The following PAX7 variants were observed in gnomAD, a reference collection of about 807,000 sequenced individuals.
PAX7 encodes paired box protein Pax-7.
A neutral mutation model predicts 50.7 loss-of-function variants in PAX7; 18 were observed. That is an observed-to-expected ratio of 0.36 (90% CI 0.25 to 0.53). PAX7 has a LOEUF of 0.53. Ranked by LOEUF, PAX7 falls within the 20% of genes least tolerant of loss-of-function variation. PAX7 has a pLI of 0.93. For missense variants in PAX7, 644 were observed against 702.9 expected (o/e 0.92, Z 0.95); for synonymous variants, 310 against 290.4 (o/e 1.07, Z -0.69).
At chr1:18,644,864 T>G (rs1262154738) in intron 4 of PAX7, among the ~76,000 whole-genome samples, 1 of 152,222 alleles carries the variant, frequency 6.6e-6, no homozygotes, top group East Asian at 1.9e-4. Flanking sequence ...GAAATTTTCC[T>G]CTGGAGTGTA....
At chr1:18,715,048 A>G (rs1286150703) in intron 7 of PAX7, among the ~76,000 whole-genome samples, 1 of 152,212 alleles carries the variant, frequency 6.6e-6, no homozygotes, top group African/African-American at 2.4e-5. Context: ...CGGGCCTGGG[A>G]GGCCAGGCAA....
chr1:18,660,663 G>A (rs1335391959), intron 4 of PAX7, among the ~76,000 whole-genome samples: 1 of 152,140 alleles, frequency 6.6e-6, no homozygotes, highest in African/African-American at 2.4e-5. Context: ...TAGCCCCAGA[G>A]AGCTGACCTG....
chr1:18,705,190 G>A lies in PAX7; in HGVS notation c.1155+1894G>A, dbSNP rs151054420. Among the ~76,000 whole-genome samples, 143 of 152,260 alleles carry A rather than the reference G, an allele frequency of 9.4e-4. 1 individual carries two copies. The highest frequency in any genetic ancestry group is 3.2e-3 in the African/African-American group (135 of 41,546). On this transcript the variant is annotated intron_variant, in intron 7 of 8. Transcript: ENST00000420770. The stretch of plus-strand genomic sequence containing the variant: ...CCCTGCACATGGAATACAGCCTGTC[G>A]GCCAGAATGTCTTCCCTGGGGACCC...
intron 4 of PAX7, among the ~76,000 whole-genome samples, chr1:18,662,139 G>C (rs1024490762): frequency 6.6e-6 from 1 of 151,992 alleles, no homozygotes; most frequent in Admixed American, 6.5e-5. Flanking sequence ...GGGGGGTTGA[G>C]GGGGGCGAGG....
intron 7 of PAX7, among the ~76,000 whole-genome samples, chr1:18,719,860 T>A (rs1004120897): frequency 1.3e-5 from 2 of 152,226 alleles, no homozygotes; most frequent in African/African-American, 2.4e-5. Flanking sequence ...CCAGCATGGT[T>A]ACTGATCATA....
chr1:18,671,306 T>C (rs1416143783), intron 4 of PAX7, among the ~76,000 whole-genome samples: 3 of 152,212 alleles, frequency 2.0e-5, no homozygotes, highest in Admixed American at 6.5e-5. Flanking sequence ...ACAGAATAAT[T>C]TTCCAGTGTG....
intron 7 of PAX7, among the ~76,000 whole-genome samples, chr1:18,725,555 G>A (rs796230554): frequency 3.5e-4 from 53 of 152,308 alleles, no homozygotes; most frequent in African/African-American, 1.2e-3. Context: ...GGGAAGGGAG[G>A]GGGAGGAGAT....
intron 4 of PAX7, among the ~76,000 whole-genome samples, chr1:18,690,129 T>G (rs990913360): frequency 6.6e-6 from 1 of 152,230 alleles, no homozygotes; most frequent in Non-Finnish European, 1.5e-5. Context: ...GGTCCTACCT[T>G]GCCCACTGCA....
intron 8 of PAX7, among the ~76,000 whole-genome samples, chr1:18,736,625 CAT>C (rs1252102192): frequency 6.6e-6 from 1 of 152,158 alleles, no homozygotes; most frequent in African/African-American, 2.4e-5. Flanking sequence ...TCTTTGACAT[CAT>C]GTGTGTGTTT....
At chr1:18,698,304 A>G (rs2089174908) in intron 5 of PAX7, among the ~76,000 whole-genome samples, 1 of 119,672 alleles carries the variant, frequency 8.4e-6, no homozygotes, top group African/African-American at 3.1e-5. Context: ...CACACACACT[A>G]CACACAAAGG....
At chr1:18,691,676 T>C in intron 4 of PAX7, 78 bp from the exon 5 acceptor site, 1 of 1,333,570 alleles carries the variant, frequency 7.5e-7, no homozygotes, top group Non-Finnish European at 1.0e-6. Flanking sequence ...GAGTGTGCCT[T>C]GTGCTCTCCT....
rs746992366 is a variant in PAX7, at chr1:18,744,858, C to T, written c.1447C>T (p.Arg483Cys). Residue 483 changes from arginine (R) to cysteine (C), a missense_variant, in exon 9 of 9, where the codon CGT becomes TGT. Arg to Cys is a radical substitution (Grantham distance 180). Coordinates refer to ENST00000420770, the MANE Select transcript of PAX7 (RefSeq NM_001135254.2). ...CAAAAATGTGAGCCTCTCCACCCAG[C>T]GTCGCATGAAGCTCGGGGAGCACTC... is the stretch of plus-strand genomic sequence containing the variant. The part of the protein sequence containing the change: ...LAKNVSLSTQ[R>C]RMKLGEHSAV... 12 of 1,558,128 alleles carry T rather than the reference C, an allele frequency of 7.7e-6. No homozygotes were observed. In the Admixed American group the frequency reaches 9.6e-5, roughly 13 times the overall value.
chr1:18,633,150 TG>T (rs1283463549), intron 1 of PAX7, among the ~76,000 whole-genome samples: 1 of 150,848 alleles, frequency 6.6e-6, no homozygotes, highest in Non-Finnish European at 1.5e-5. Context: ...CAAAGAGAGG[TG>T]GGGGGACCGG....
At chr1:18,691,518 A>G (rs1216040055) in intron 4 of PAX7, among the ~76,000 whole-genome samples, 1 of 152,230 alleles carries the variant, frequency 6.6e-6, no homozygotes, top group Non-Finnish European at 1.5e-5. Context: ...AAGGTTTTAC[A>G]AGAAAGTATT....
At chr1:18,701,232 G>A (rs1373705184) in intron 6 of PAX7, among the ~76,000 whole-genome samples, 2 of 152,212 alleles carry the variant, frequency 1.3e-5, no homozygotes, top group East Asian at 1.9e-4. Flanking sequence ...GAAAGGAACG[G>A]ATTCTGCAGG....
Position 18,725,798 on chromosome 1 carries a change from A to G in PAX7, c.1156-9834A>G, listed in dbSNP as rs143118712. On this transcript the variant is annotated intron_variant, in intron 7 of 8. Coordinates refer to ENST00000420770, the MANE Select transcript of PAX7 (RefSeq NM_001135254.2). ...TTCAGAATCTCACTACACCGTTAGC[A>G]CCAGGACCCACCAGGGGCCCTGAGC... Among the ~76,000 whole-genome samples, 2 of 152,186 alleles carry G rather than the reference A, an allele frequency of 1.3e-5. 1 individual carries two copies. Among genetic ancestry groups the G allele is most frequent in the Non-Finnish European group, 2.9e-5 (2 of 68,010 alleles).
intron 7 of PAX7, among the ~76,000 whole-genome samples, chr1:18,725,987 T>TGTG (rs1246518839): frequency 2.1e-5 from 3 of 143,104 alleles, no homozygotes; most frequent in Non-Finnish European, 4.6e-5. Context: ...AGAGTGTGTG[T>TGTG]GTGTGTGCGC....
At chr1:18,716,766 TCTCTCTCATTCTCCTCTC>T (rs2089429141) in intron 7 of PAX7, among the ~76,000 whole-genome samples, 2 of 151,606 alleles carry the variant, frequency 1.3e-5, no homozygotes, top group African/African-American at 4.8e-5. Flanking sequence ...TTCCCCCTAA[TCTCTCTCATTCTCCTCTC>T]CTCTCTCATT....
Position 18,747,173 on chromosome 1 carries a change from C to T in PAX7, c.*2244C>T, listed in dbSNP as rs1228266151. The T allele has an allele frequency of 3.5e-5, 8 of 230,194 alleles. 1 individual carries two copies. The highest frequency in any genetic ancestry group is 6.9e-5 in the Non-Finnish European group (8 of 116,172). 14.3% of individuals were successfully genotyped at this position (230,194 alleles called of 1,614,324 possible). ...CTCAGAAAGTATCTGAGTATCCTGA[C>T]ACCCTCTGTGACTCAGGAGCAGGGA... On this transcript the variant is annotated 3_prime_UTR_variant, in exon 9 of 9. Coordinates refer to ENST00000420770, the MANE Select transcript of PAX7 (RefSeq NM_001135254.2).
Sources: allele counts gnomAD v4.1 joint callset (sites outside exome capture counted in the v4.1 genomes callset), GRCh38; gene constraint gnomAD v4.1.1; transcripts MANE v1.5; gene names NCBI Gene and HGNC (gene_info 2026-07-23, HGNC 2026-07-21).